The following VIRMA variants were observed in gnomAD, a reference collection of about 807,000 sequenced individuals.
VIRMA encodes the protein vir like m6A methyltransferase associated, also known as protein virilizer homolog.
In VIRMA, 65 loss-of-function variants were observed where a neutral mutation model predicts 182.4. That is an observed-to-expected ratio of 0.36 (90% CI 0.29 to 0.44). The LOEUF is 0.44. Ranked by LOEUF, VIRMA falls within the 20% of genes least tolerant of loss-of-function variation. The probability of loss-of-function intolerance (pLI) is 1.00; values close to 1 mark genes in which losing one functional copy is unlikely to be tolerated. For missense variants in VIRMA, 1,752 were observed against 2,158.1 expected (o/e 0.81, Z 3.73); for synonymous variants, 709 against 743.1 (o/e 0.95, Z 0.75).
At chr8:94,499,990 T>C (rs868622141) in intron 16 of VIRMA, among the ~76,000 whole-genome samples, 2 of 147,138 alleles carry the variant, frequency 1.4e-5, no homozygotes, top group African/African-American at 5.1e-5. Context: ...GAGGCAGAGG[T>C]TGCAGCGAGC....
chr8:94,518,715 T>C (rs1814646049), intron 9 of VIRMA, among the ~76,000 whole-genome samples: 1 of 152,192 alleles, frequency 6.6e-6, no homozygotes, highest in Non-Finnish European at 1.5e-5. Context: ...AATTCCCCTC[T>C]GCATAAAACA....
At chr8:94,506,211 T>TTAA (rs1814148285) in intron 16 of VIRMA, among the ~76,000 whole-genome samples, 1 of 152,188 alleles carries the variant, frequency 6.6e-6, no homozygotes, top group Admixed American at 6.5e-5. Context: ...AACAAAGACC[T>TTAA]TAAGGCATGA....
At position 94,494,842 on chromosome 8, in the gene VIRMA, T is replaced by A; in HGVS notation, c.4641+18A>T. The A allele has an allele frequency of 1.5e-6, 2 of 1,308,244 alleles. No homozygotes were observed. The highest frequency in any genetic ancestry group is 1.1e-6 in the Non-Finnish European group (1 of 923,498). 81.0% of individuals were successfully genotyped at this position (1,308,244 alleles called of 1,614,324 possible). A position where few individuals can be genotyped will look rare whatever the true frequency, so the allele number is the denominator to read the frequency against. ...AAAAACAATAACGTTTTTCTAAATA[T>A]TTAGTAATAATTTATACCAAATCCA... On this transcript the variant is annotated intron_variant, in intron 20 of 23. Transcript: ENST00000297591.
intron 1 of VIRMA, among the ~76,000 whole-genome samples, chr8:94,545,703 T>C (rs1815733222): frequency 6.6e-6 from 1 of 152,070 alleles, no homozygotes; most frequent in African/African-American, 2.4e-5. Flanking sequence ...GCCCAGGTTG[T>C]AGGCAAACAA....
chr8:94,527,344 T>C lies in VIRMA; in HGVS notation c.900A>G (p.Gln300=), dbSNP rs752369364. ...CAATTCCATCTTCATCACTGGAAAT[T>C]TGTTCATAACCATCATCCCCTGAAA... ...EEGEGDDGYE[Q]ISSDEDGIAD... The change falls in exon 8 of 24, where the codon CAA becomes CAG. Residue 300 remains glutamine (Q), a synonymous_variant. Transcript: ENST00000297591. 6.3e-7 allele frequency: 1 copy of C among 1,579,500 alleles called. No homozygotes were observed. Among genetic ancestry groups the C allele is most frequent in the Non-Finnish European group, 8.6e-7 (1 of 1,160,032 alleles).
chr8:94,544,673 A>G lies in VIRMA; in HGVS notation c.64-731T>C, dbSNP rs868847297. On this transcript the variant is annotated intron_variant, in intron 1 of 23. Coordinates refer to ENST00000297591, the MANE Select transcript of VIRMA (RefSeq NM_015496.5). The stretch of plus-strand genomic sequence containing the variant: ...GAGCGACTCTGTCTCAAAAAAAAAA[A>G]AAAAAAAGAAAAAAAAAGATTATAA... Among the ~76,000 whole-genome samples the G allele has an allele frequency of 1.7e-3, 262 of 150,750 alleles. 3 individuals carry two copies. Among genetic ancestry groups the G allele is most frequent in the African/African-American group, 6.1e-3 (253 of 41,186 alleles).
At chr8:94,536,969 A>G (rs1342840783) in intron 4 of VIRMA, 134 bp downstream of exon 4, 1 of 688,986 alleles carries the variant, frequency 1.5e-6, no homozygotes, top group East Asian at 2.6e-5. Flanking sequence ...ACAGAGCGAG[A>G]CTCCGTCTCA....
intron 20 of VIRMA, among the ~76,000 whole-genome samples, chr8:94,494,375 A>G (rs1813699124): frequency 6.6e-6 from 1 of 152,032 alleles, no homozygotes; most frequent in Non-Finnish European, 1.5e-5. Context: ...GCAGATCACA[A>G]GGTCAGGAGT....
At chr8:94,522,113 C>T (rs945544003) in intron 8 of VIRMA, among the ~76,000 whole-genome samples, 8 of 152,178 alleles carry the variant, frequency 5.3e-5, no homozygotes, top group African/African-American at 1.9e-4. Flanking sequence ...TGAGTGCCTA[C>T]ATGACTACCC....
At chr8:94,524,180 G>A (rs1814872656) in intron 8 of VIRMA, among the ~76,000 whole-genome samples, 1 of 151,910 alleles carries the variant, frequency 6.6e-6, no homozygotes, top group African/African-American at 2.4e-5. Context: ...TGTATTTTTA[G>A]TAGAGATGGG....
At chr8:94,528,231 CAAAA>C (rs11368037) in intron 7 of VIRMA, among the ~76,000 whole-genome samples, 3 of 91,824 alleles carry the variant, frequency 3.3e-5, no homozygotes, top group Admixed American at 1.1e-4. Context: ...GACTTTGTCT[CAAAA>C]AAAAAAAAAA....
Position 94,515,239 on chromosome 8 carries a change from G to C in VIRMA, c.2669-288C>G, listed in dbSNP as rs1586083822. On this transcript the variant is annotated intron_variant, in intron 10 of 23. Coordinates refer to ENST00000297591, the MANE Select transcript of VIRMA (RefSeq NM_015496.5). ...AGCCTCCCGAGTAGCTGGGATTACA[G>C]GCGCCTGCCACCACACCTGGCCGAT... is the stretch of plus-strand genomic sequence containing the variant. Among the ~76,000 whole-genome samples the C allele has an allele frequency of 2.0e-5, 3 of 151,840 alleles. 1 individual carries two copies. In the East Asian group the frequency reaches 5.8e-4, roughly 29 times the overall value.
In VIRMA at chr8:94,519,449, C is replaced by A; in HGVS notation, c.2049G>T (p.Glu683Asp). 1.3e-6 allele frequency: 2 copies of A among 1,526,016 alleles called. No homozygotes were observed. Among genetic ancestry groups the A allele is most frequent in the Non-Finnish European group, 1.8e-6 (2 of 1,141,414 alleles). The allele number at this position is 1,526,016 out of a possible 1,614,324, so 94.5% of individuals were successfully genotyped here. A position where few individuals can be genotyped will look rare whatever the true frequency, so the allele number is the denominator to read the frequency against. Residue 683 changes from glutamate (E) to aspartate (D), a missense_variant, in exon 9 of 24, where the codon GAG (glutamate) becomes GAT (aspartate). Glu to Asp is a conservative substitution (Grantham distance 45). This residue lies in a region of VIRMA where 401 missense variants were observed against 455.1 expected (regional missense o/e 0.88). Coordinates refer to ENST00000297591, the MANE Select transcript of VIRMA (RefSeq NM_015496.5). ...GAATTGACAGAAGCAAGGTAACCAACTCCAAGAAGTGATGACTGTGAAGAT... is the reference window on the plus strand; with the variant it reads ...GAATTGACAGAAGCAAGGTAACCAAATCCAAGAAGTGATGACTGTGAAGAT... ...FRYLHSHHFL[E>D]LVTLLLSIPV...
intron 15 of VIRMA, among the ~76,000 whole-genome samples, chr8:94,507,179 AG>A (rs1814182858): frequency 6.8e-6 from 1 of 147,528 alleles, no homozygotes; most frequent in Non-Finnish European, 1.5e-5. Context: ...CTTGTTGCCC[AG>A]GCTGGAGTAC....
chr8:94,511,860 TATTTA>T (rs1814391102), intron 12 of VIRMA, 131 bp from the exon 13 acceptor site: 4 of 675,762 alleles, frequency 5.9e-6, no homozygotes, highest in Non-Finnish European at 8.5e-6. Flanking sequence ...TTATGACAAA[TATTTA>T]ATTACTTTAA....
chr8:94,514,143 G>T (rs578125354), intron 11 of VIRMA, among the ~76,000 whole-genome samples: 1 of 152,036 alleles, frequency 6.6e-6, no homozygotes, highest in African/African-American at 2.4e-5. Context: ...ACACACTCAC[G>T]CACAGATTTC....
At chr8:94,541,219 T>G (rs1043086374) in intron 2 of VIRMA, among the ~76,000 whole-genome samples, 1 of 151,706 alleles carries the variant, frequency 6.6e-6, no homozygotes, top group African/African-American at 2.4e-5. Flanking sequence ...ACTCCTGGGT[T>G]CAAGCAATCC....
intron 4 of VIRMA, among the ~76,000 whole-genome samples, chr8:94,535,251 G>T (rs1032998111): frequency 2.0e-5 from 3 of 152,168 alleles, no homozygotes; most frequent in Admixed American, 2.0e-4. Context: ...TGTCAACCTT[G>T]TTCAAAAAGT....
At chr8:94,530,047 C>T (rs556307062) in intron 6 of VIRMA, among the ~76,000 whole-genome samples, 158 of 152,248 alleles carry the variant, frequency 1.0e-3, no homozygotes, top group Admixed American at 2.8e-3. Flanking sequence ...CCTCAGCCTT[C>T]CAAAGTGCTA....
Sources: gnomAD v4.1 joint callset for allele counts (sites outside exome capture counted in the v4.1 genomes callset) on GRCh38, gnomAD v4.1.1 for gene constraint, gnomAD v4.1.1 regional missense constraint, MANE v1.5 for transcripts, NCBI Gene and HGNC (gene_info 2026-07-23, HGNC 2026-07-21) for gene names.